Variants in MYO5B observed in about 807,000 individuals in gnomAD.
The protein encoded by MYO5B is unconventional myosin-Vb.
Under a neutral mutation model 229.3 loss-of-function variants are expected in MYO5B, and 143 were observed. That is an observed-to-expected ratio of 0.62 (90% CI 0.54 to 0.72). MYO5B has a LOEUF of 0.72. Among genes scored for constraint, MYO5B ranks in the 30% least tolerant of loss-of-function variants. The pLI, the probability that MYO5B is intolerant of heterozygous loss-of-function variation, is 0.00. For synonymous variants in MYO5B, 918 were observed against 885.2 expected, an observed-to-expected ratio of 1.04 and a Z score of -0.66; for missense variants, 2,321 against 2,331.0, an observed-to-expected ratio of 1.00 and a Z score of 0.09.
intron 19 of MYO5B, among the ~76,000 whole-genome samples, chr18:49,905,785 C>T (rs1033789796): frequency 2.0e-5 from 3 of 152,184 alleles, no homozygotes; most frequent in African/African-American, 7.2e-5. Context: ...GGCTGACACA[C>T]TCCTGCTGCT....
At chr18:49,864,439 G>A (rs2024373153) in intron 27 of MYO5B, 59 bp from the exon 28 acceptor site, 1 of 1,596,230 alleles carries the variant, frequency 6.3e-7, no homozygotes, top group Non-Finnish European at 8.5e-7. Flanking sequence ...CTCTCCCTGT[G>A]TGGGCCTCCC....
At chr18:49,989,368 T>C (rs557820677) in intron 7 of MYO5B, among the ~76,000 whole-genome samples, 1 of 152,212 alleles carries the variant, frequency 6.6e-6, no homozygotes, top group East Asian at 1.9e-4. Context: ...GTCTGTTTCT[T>C]GCACAGCTGC....
At chr18:49,877,703 CAG>C (rs2024542165) in intron 25 of MYO5B, 58 bp downstream of exon 25, 1 of 1,610,322 alleles carries the variant, frequency 6.2e-7, no homozygotes, top group African/African-American at 1.3e-5. Flanking sequence ...CAGTTCCACA[CAG>C]AAAAAAACAC....
At position 50,194,631 on chromosome 18, in the gene MYO5B, CGAG is replaced by C. The variant is rs2033275252; in HGVS notation, c.27+133_27+135del. On this transcript the variant is annotated intron_variant, in intron 1 of 39. Transcript: ENST00000285039. ...AAGTTAGGGACTCCGAGGACAGTGA[CGAG>C]GAGGACACCGCGGAGGGGGGTCTCC... 6.7e-6 allele frequency: 4 copies of C among 598,616 alleles called. No individual in the cohort carries two copies. In the Admixed American group the frequency reaches 9.0e-5, roughly 14 times the overall value. The allele number at this position is 598,616 out of a possible 1,614,324, so 37.1% of individuals were successfully genotyped here.
chr18:50,079,894 C>T (rs1389817577), intron 1 of MYO5B, among the ~76,000 whole-genome samples: 1 of 152,196 alleles, frequency 6.6e-6, no homozygotes, highest in Non-Finnish European at 1.5e-5. Flanking sequence ...GTTTTGTTGC[C>T]ACAGGAGCAC....
intron 1 of MYO5B, among the ~76,000 whole-genome samples, chr18:50,095,705 G>A (rs1009865561): frequency 1.3e-5 from 2 of 152,186 alleles, no homozygotes; most frequent in Admixed American, 6.5e-5. Context: ...TGCGCCTTGG[G>A]ATGGCCAGCC....
At chr18:49,980,400 G>A (rs1157956303) in intron 9 of MYO5B, 44 bp downstream of exon 9, 1 of 1,342,502 alleles carries the variant, frequency 7.4e-7, no homozygotes. Context: ...AAAGAACAGG[G>A]TAAATTGTGT....
chr18:50,182,275 C>T (rs931669316), intron 1 of MYO5B, among the ~76,000 whole-genome samples: 1 of 152,202 alleles, frequency 6.6e-6, no homozygotes, highest in Non-Finnish European at 1.5e-5. Flanking sequence ...AAGCCACTGG[C>T]TTTGCTACAT....
intron 17 of MYO5B, among the ~76,000 whole-genome samples, chr18:49,920,232 T>A (rs1348914240): frequency 6.6e-6 from 1 of 152,244 alleles, no homozygotes; most frequent in Non-Finnish European, 1.5e-5. Context: ...TGGTGATGGT[T>A]GTATAACTCT....
At chr18:49,948,675 G>T (rs1022082343) in intron 14 of MYO5B, among the ~76,000 whole-genome samples, 2 of 152,278 alleles carry the variant, frequency 1.3e-5, no homozygotes, top group African/African-American at 4.8e-5. Flanking sequence ...TCAAAACAAG[G>T]TGTGTGTATA....
chr18:49,880,408 T>C lies in MYO5B; in HGVS notation c.3093A>G (p.Lys1031=), dbSNP rs745745112. The C allele has an allele frequency of 5.0e-6, 8 of 1,614,054 alleles. 1 individual carries two copies. The highest frequency in any genetic ancestry group is 2.2e-5 in the East Asian group (1 of 44,876). Residue 1031 remains lysine, a synonymous_variant, in exon 23 of 40, where the codon AAA becomes AAG. Transcript: ENST00000285039. ...ACAGGATTTGGTTGTTGAGCTGTTC[T>C]TTCTCATCTTTCAAGAGAGCATTTT... ...EQENALLKDE[K]EQLNNQILCQ...
intron 4 of MYO5B, among the ~76,000 whole-genome samples, chr18:50,008,354 C>A (rs1376696548): frequency 6.6e-6 from 1 of 152,196 alleles, no homozygotes; most frequent in Non-Finnish European, 1.5e-5. Context: ...CATACAAGGA[C>A]TTGGATGAGT....
intron 8 of MYO5B, 77 bp downstream of exon 8, chr18:49,984,641 G>A (rs978228884): frequency 7.5e-5 from 87 of 1,160,342 alleles, no homozygotes; most frequent in Middle Eastern, 5.0e-4. Flanking sequence ...GGCAAGCACA[G>A]TGGGACATCG....
At chr18:50,026,709 T>C (rs2026335228) in intron 4 of MYO5B, among the ~76,000 whole-genome samples, 1 of 152,244 alleles carries the variant, frequency 6.6e-6, no homozygotes, top group African/African-American at 2.4e-5. Flanking sequence ...ACCTATGATG[T>C]GCCATCAGTA....
intron 7 of MYO5B, among the ~76,000 whole-genome samples, chr18:49,989,197 G>A (rs2025903008): frequency 6.6e-6 from 1 of 152,168 alleles, no homozygotes; most frequent in Admixed American, 6.5e-5. Context: ...TAAGTTGCAT[G>A]GTACAAGCAT....
rs759585385 is a variant in MYO5B at position 49,853,459 on chromosome 18, T to C, written c.4211A>G (p.Asn1404Ser). Residue 1404 changes from asparagine (N) to serine (S), a missense_variant, in exon 31 of 40, where the codon AAC (asparagine) becomes AGC (serine). Around this residue, in one of 2 missense-constraint regions of MYO5B, gnomAD observed 2,113 missense variants for 2,044.7 expected, o/e 1.03. Coordinates refer to ENST00000285039, the MANE Select transcript of MYO5B (RefSeq NM_001080467.3). ...GACATGGCTACCCACCAGATTCTCG[T>C]TGGTCAGCCGGGATATTTCCTGCTG... ...GVQQEISRLT[N>S]ENLDLKELVE... The C allele has an allele frequency of 1.1e-5, 17 of 1,612,596 alleles. No homozygotes were observed. The highest frequency in any genetic ancestry group is 1.6e-4 in the Middle Eastern group (1 of 6,082).
At chr18:49,899,318 C>T (rs984041091) in intron 21 of MYO5B, among the ~76,000 whole-genome samples, 21 of 152,156 alleles carry the variant, frequency 1.4e-4, no homozygotes, top group Admixed American at 2.0e-4. Flanking sequence ...GAAACAAGCC[C>T]CTATATAGAG....
chr18:49,970,355 C>T (rs545015680), intron 10 of MYO5B, among the ~76,000 whole-genome samples: 2 of 152,118 alleles, frequency 1.3e-5, no homozygotes, highest in Admixed American at 6.5e-5. Flanking sequence ...TGTAGGGAAG[C>T]TTCCACCAGA....
chr18:50,109,351 T>G (rs2031821482), intron 1 of MYO5B, among the ~76,000 whole-genome samples: 1 of 151,658 alleles, frequency 6.6e-6, no homozygotes, highest in Non-Finnish European at 1.5e-5. Flanking sequence ...CCCAGAAGAG[T>G]TCAGAGGTTC....
Sources: gnomAD v4.1 joint callset for allele counts (sites outside exome capture counted in the v4.1 genomes callset) on GRCh38, gnomAD v4.1.1 for gene constraint, gnomAD v4.1.1 regional missense constraint, MANE v1.5 for transcripts, NCBI Gene and HGNC (gene_info 2026-07-23, HGNC 2026-07-21) for gene names.